Variants in PCDHA8 observed in about 807,000 individuals in gnomAD.
PCDHA8 encodes protocadherin alpha 8, also known as protocadherin alpha-8.
In PCDHA8, 53 loss-of-function variants were observed where a neutral mutation model predicts 61.8. The observed-to-expected ratio is 0.86, with a 90% confidence interval of 0.69 to 1.08. The LOEUF (loss-of-function observed/expected upper bound fraction) is 1.08. PCDHA8 is among the 50% of genes least tolerant of loss of function. The probability of loss-of-function intolerance (pLI) is 0.00; values close to 1 mark genes in which losing one functional copy is unlikely to be tolerated. For synonymous variants in PCDHA8, 618 were observed against 556.6 expected, an observed-to-expected ratio of 1.11 and a Z score of -1.55; for missense variants, 1,293 against 1,245.0, an observed-to-expected ratio of 1.04 and a Z score of -0.58.
chr5:140,897,457 C>T (rs1173344812), intron 1 of PCDHA8, among the ~76,000 whole-genome samples: 11 of 151,186 alleles, frequency 7.3e-5, no homozygotes, highest in East Asian at 1.9e-4. Context: ...TTTGTCCTTG[C>T]GATAGTTTAC....
intron 1 of PCDHA8, among the ~76,000 whole-genome samples, chr5:140,942,305 G>A (rs2093264176): frequency 6.6e-6 from 1 of 152,106 alleles, no homozygotes; most frequent in Non-Finnish European, 1.5e-5. Context: ...AGCTACTTGG[G>A]AGGTCGAGGC....
intron 1 of PCDHA8, among the ~76,000 whole-genome samples, chr5:140,891,939 C>G (rs1475126639): frequency 3.3e-5 from 5 of 152,212 alleles, no homozygotes; most frequent in African/African-American, 1.2e-4. Flanking sequence ...TGGACTTCCC[C>G]TAGGCTCCAG....
chr5:140,887,540 C>T (rs1039020160), intron 1 of PCDHA8, among the ~76,000 whole-genome samples: 1 of 152,100 alleles, frequency 6.6e-6, no homozygotes. Flanking sequence ...CTCTCCCCAC[C>T]CCTCATGGTT....
chr5:140,884,323 C>G (rs1554181434), intron 1 of PCDHA8: 10 of 1,613,816 alleles, frequency 6.2e-6, no homozygotes, highest in Non-Finnish European at 8.5e-6. Context: ...CGTCGGCAGG[C>G]GCTGTGGGTC....
intron 1 of PCDHA8, among the ~76,000 whole-genome samples, chr5:140,894,202 A>G (rs1554185980): frequency 6.6e-6 from 1 of 152,034 alleles, no homozygotes. Context: ...TTTCTATGCT[A>G]TTATATTCTC....
At chr5:140,909,094 T>C (rs1445563506) in intron 1 of PCDHA8, among the ~76,000 whole-genome samples, 1 of 152,196 alleles carries the variant, frequency 6.6e-6, no homozygotes, top group Admixed American at 6.5e-5. Context: ...TACTTCTCAC[T>C]CACTGGGTCC....
intron 1 of PCDHA8, among the ~76,000 whole-genome samples, chr5:140,914,475 T>A (rs1473439533): frequency 6.6e-6 from 1 of 152,204 alleles, no homozygotes; most frequent in Non-Finnish European, 1.5e-5. Context: ...TCTTCATAGG[T>A]GAAGTGTTTC....
Position 140,869,675 on chromosome 5 carries a change from G to C in PCDHA8, c.2394+25960G>C, listed in dbSNP as rs1040647730. 3 of 1,613,268 alleles carry C rather than the reference G, an allele frequency of 1.9e-6. No homozygotes were observed. The South Asian group carries it at 3.3e-5, about 18-fold the overall frequency. Reference sequence around the variant, plus strand: ...CCAACAAATGGTAAGCAGATTAAAAGACTGTCACTTATTTTAAAGAAGTCT... The same window carrying C: ...CCAACAAATGGTAAGCAGATTAAAACACTGTCACTTATTTTAAAGAAGTCT... On this transcript the variant is annotated intron_variant, in intron 1 of 3. Transcript: ENST00000531613.
chr5:140,864,396 G>A (rs2048459702), intron 1 of PCDHA8: 1 of 152,210 alleles, frequency 6.6e-6, no homozygotes, highest in Non-Finnish European at 1.5e-5. Context: ...CACAAATGGT[G>A]ATGAGCAGGG....
chr5:140,860,034 A>G (rs1356064800), intron 1 of PCDHA8: 3 of 150,432 alleles, frequency 2.0e-5, no homozygotes, highest in Non-Finnish European at 3.0e-5. Context: ...CACACCTGTA[A>G]TCCCAGCATT....
At chr5:140,984,228 G>A (rs374551349) in intron 3 of PCDHA8, among the ~76,000 whole-genome samples, 180 of 152,262 alleles carry the variant, frequency 1.2e-3, no homozygotes, top group African/African-American at 4.0e-3. Context: ...TTGCTCTTAT[G>A]GAGGCATTGT....
chr5:140,926,068 G>A (rs2082901302), intron 1 of PCDHA8, among the ~76,000 whole-genome samples: 1 of 152,168 alleles, frequency 6.6e-6, no homozygotes, highest in African/African-American at 2.4e-5. Context: ...CCTCCTTGTC[G>A]TCTCTATTGC....
intron 1 of PCDHA8, chr5:140,875,748 C>T (rs2055764549): frequency 6.2e-7 from 1 of 1,614,078 alleles, no homozygotes; most frequent in South Asian, 1.1e-5. Flanking sequence ...GGATCGACCG[C>T]GAGAAGCTGT....
At chr5:140,949,975 A>AT (rs2153688056) in intron 1 of PCDHA8, among the ~76,000 whole-genome samples, 1 of 152,044 alleles carries the variant, frequency 6.6e-6, no homozygotes, top group South Asian at 2.1e-4. Flanking sequence ...TACAGCATAC[A>AT]TACTTAACTT....
At chr5:140,949,009 G>A (rs1563235030) in intron 1 of PCDHA8, among the ~76,000 whole-genome samples, 1 of 151,574 alleles carries the variant, frequency 6.6e-6, no homozygotes, top group Non-Finnish European at 1.5e-5. Context: ...ATTTTTATAT[G>A]TGATGTTTTT....
rs533936031 is a variant in PCDHA8, at chr5:140,883,438, G to A, written c.2394+39723G>A. 14 of 1,614,132 alleles carry A rather than the reference G, an allele frequency of 8.7e-6. No individual in the cohort carries two copies. The South Asian group carries it at 1.3e-4, about 15-fold the overall frequency. ...ATGGACAGGTCACCTGCACCTTGAC[G>A]CCGCATGTCCCCTTCAAGCTGGTGT... On this transcript the variant is annotated intron_variant, in intron 1 of 3. Coordinates refer to ENST00000531613, the MANE Select transcript of PCDHA8 (RefSeq NM_018911.3).
chr5:140,943,476 AAAT>A (rs1167849813), intron 1 of PCDHA8, among the ~76,000 whole-genome samples: 3 of 152,134 alleles, frequency 2.0e-5, no homozygotes, highest in Non-Finnish European at 2.9e-5. Context: ...AGATACAGTA[AAAT>A]AATAAATAGA....
intron 1 of PCDHA8, among the ~76,000 whole-genome samples, chr5:140,961,406 G>C (rs1046743232): frequency 4.6e-5 from 7 of 152,008 alleles, no homozygotes; most frequent in Non-Finnish European, 1.0e-4. Flanking sequence ...AACACTTTTT[G>C]GCATGTTATT....
intron 1 of PCDHA8, among the ~76,000 whole-genome samples, chr5:140,954,602 A>G (rs2095062634): frequency 6.6e-6 from 1 of 152,120 alleles, no homozygotes; most frequent in South Asian, 2.1e-4. Flanking sequence ...TTCTTTGCCC[A>G]CTTTTTAATG....
Sources: allele counts gnomAD v4.1 joint callset (sites outside exome capture counted in the v4.1 genomes callset), GRCh38; gene constraint gnomAD v4.1.1; transcripts MANE v1.5; gene names NCBI Gene and HGNC (gene_info 2026-07-23, HGNC 2026-07-21).